PTPRK: variants seen among roughly 807,000 people sequenced by gnomAD.
PTPRK encodes the protein receptor-type tyrosine-protein phosphatase kappa.
In PTPRK, 75 loss-of-function variants were observed where a neutral mutation model predicts 178.0. The ratio of observed to expected loss-of-function variants is 0.42; its 90% confidence interval spans 0.35 to 0.51. The LOEUF (loss-of-function observed/expected upper bound fraction) is 0.51, where lower values mean the gene tolerates loss of function less well. Ranked by LOEUF, PTPRK falls within the 20% of genes least tolerant of loss-of-function variation. The pLI is 0.02. For synonymous variants in PTPRK, 637 were observed against 620.6 expected, an observed-to-expected ratio of 1.03 and a Z score of -0.39; for missense variants, 1,441 against 1,797.8, an observed-to-expected ratio of 0.80 and a Z score of 3.59.
intron 22 of PTPRK, 82 bp from the exon 23 acceptor site, chr6:127,983,459 A>T (rs541837991): frequency 1.4e-6 from 2 of 1,415,148 alleles, no homozygotes; most frequent in African/African-American, 1.4e-5. Flanking sequence ...CCACTGTCAG[A>T]TAGGTAGAAT....
At chr6:128,054,361 G>T (rs1779551847) in intron 13 of PTPRK, among the ~76,000 whole-genome samples, 1 of 152,090 alleles carries the variant, frequency 6.6e-6, no homozygotes, top group Non-Finnish European at 1.5e-5. Context: ...ATGAGTAATA[G>T]TAATAATAGC....
intron 13 of PTPRK, among the ~76,000 whole-genome samples, chr6:128,055,315 A>G (rs1779708754): frequency 1.3e-5 from 2 of 152,172 alleles, no homozygotes. Context: ...GGGTAGTTTA[A>G]CCTGAAAATG....
intron 1 of PTPRK, among the ~76,000 whole-genome samples, chr6:128,423,075 G>GC (rs1401253509): frequency 6.6e-6 from 1 of 152,172 alleles, no homozygotes; most frequent in Non-Finnish European, 1.5e-5. Context: ...GGTTAGTAAT[G>GC]CAACAGCTGC....
intron 7 of PTPRK, among the ~76,000 whole-genome samples, chr6:128,108,033 G>T (rs116158630): frequency 6.8e-6 from 1 of 147,760 alleles, no homozygotes; most frequent in Admixed American, 6.9e-5. Flanking sequence ...TATGTCCCAG[G>T]CCATGCCAAA....
chr6:128,436,990 T>G (rs1584718296), intron 1 of PTPRK, among the ~76,000 whole-genome samples: 1 of 152,148 alleles, frequency 6.6e-6, no homozygotes, highest in East Asian at 1.9e-4. Context: ...AAATCTTGTG[T>G]TTTTAATTTA....
chr6:127,992,732 T>C, intron 18 of PTPRK, 23 bp from the exon 19 acceptor site: 1 of 1,548,658 alleles, frequency 6.5e-7, no homozygotes, highest in Non-Finnish European at 8.8e-7. Flanking sequence ...AACAAATTAG[T>C]TATCATTTTA....
At chr6:128,262,381 A>T (rs1818301046) in intron 3 of PTPRK, among the ~76,000 whole-genome samples, 1 of 152,292 alleles carries the variant, frequency 6.6e-6, no homozygotes, top group East Asian at 1.9e-4. Flanking sequence ...TTAATATGTA[A>T]TCATTGATCT....
At chr6:128,080,138 G>A (rs1318890850) in intron 10 of PTPRK, among the ~76,000 whole-genome samples, 1 of 151,984 alleles carries the variant, frequency 6.6e-6, no homozygotes, top group African/African-American at 2.4e-5. Flanking sequence ...TCATCAGGAA[G>A]AGAAAGGATG....
chr6:128,197,778 G>T (rs1311410897), intron 6 of PTPRK, among the ~76,000 whole-genome samples: 1 of 151,778 alleles, frequency 6.6e-6, no homozygotes, highest in Non-Finnish European at 1.5e-5. Context: ...TGAAATAAAG[G>T]CACAAAATAA....
intron 7 of PTPRK, among the ~76,000 whole-genome samples, chr6:128,139,897 A>T (rs200092642): frequency 3.6e-5 from 5 of 138,302 alleles, no homozygotes; most frequent in Non-Finnish European, 4.8e-5. Flanking sequence ...ATTTTTTTTT[A>T]ATCCAAATCA....
chr6:128,359,700 T>C (rs1351171772), intron 2 of PTPRK, among the ~76,000 whole-genome samples: 1 of 151,784 alleles, frequency 6.6e-6, no homozygotes, highest in African/African-American at 2.4e-5. Context: ...TGCAGTGAGC[T>C]GAGATCACGC....
chr6:128,158,744 C>A (rs1798288302), intron 7 of PTPRK, among the ~76,000 whole-genome samples: 1 of 151,896 alleles, frequency 6.6e-6, no homozygotes, highest in African/African-American at 2.4e-5. Context: ...TCACTCAAAC[C>A]ATATCTGCAC....
intron 3 of PTPRK, among the ~76,000 whole-genome samples, chr6:128,300,698 T>C (rs1223986856): frequency 2.3e-5 from 2 of 88,184 alleles, no homozygotes; most frequent in Non-Finnish European, 4.3e-5. Flanking sequence ...CATCACAGTA[T>C]GGGGACTGTT....
intron 2 of PTPRK, among the ~76,000 whole-genome samples, chr6:128,354,231 GTTTTT>G (rs756148554): frequency 3.8e-4 from 19 of 49,368 alleles, no homozygotes; most frequent in South Asian, 1.2e-3. Flanking sequence ...TTTTGTTTAT[GTTTTT>G]TTTTTTTTTT....
intron 7 of PTPRK, among the ~76,000 whole-genome samples, chr6:128,110,389 C>T (rs1790451095): frequency 6.6e-6 from 1 of 152,000 alleles, no homozygotes; most frequent in South Asian, 2.1e-4. Flanking sequence ...GTTATCAATC[C>T]CTGTCTTTTG....
chr6:128,028,908 T>C (rs1774793887), intron 13 of PTPRK, among the ~76,000 whole-genome samples: 1 of 152,198 alleles, frequency 6.6e-6, no homozygotes, highest in Admixed American at 6.6e-5. Context: ...TCCCCAATTC[T>C]GTTCCTAAAT....
At chr6:128,189,490 C>A (rs1157152952) in intron 6 of PTPRK, among the ~76,000 whole-genome samples, 1 of 151,872 alleles carries the variant, frequency 6.6e-6, no homozygotes, top group Non-Finnish European at 1.5e-5. Flanking sequence ...CCTCCCACCT[C>A]GGCCTCCCAA....
intron 1 of PTPRK, among the ~76,000 whole-genome samples, chr6:128,414,447 A>G (rs1345048846): frequency 4.2e-4 from 64 of 152,196 alleles, no homozygotes; most frequent in Non-Finnish European, 7.3e-5. Flanking sequence ...TGATTTTTTA[A>G]ATATTTTTTG....
At chr6:128,489,734 A>G (rs1853495128) in intron 1 of PTPRK, among the ~76,000 whole-genome samples, 2 of 152,246 alleles carry the variant, frequency 1.3e-5, no homozygotes, top group Admixed American at 6.5e-5. Flanking sequence ...TGTATTCATT[A>G]TAAGTTTTGT....
Sources: gnomAD v4.1 joint callset for allele counts (sites outside exome capture counted in the v4.1 genomes callset) on GRCh38, gnomAD v4.1.1 for gene constraint, MANE v1.5 for transcripts, NCBI Gene and HGNC (gene_info 2026-07-23, HGNC 2026-07-21) for gene names.